Variants in PIEZO1 observed in about 807,000 individuals in gnomAD.
PIEZO1 encodes the protein piezo-type mechanosensitive ion channel component 1.
Under a neutral mutation model 297.2 loss-of-function variants are expected in PIEZO1, and 296 were observed. The ratio of observed to expected loss-of-function variants is 1.00; its 90% confidence interval spans 0.91 to 1.10. The LOEUF is 1.10. Ranked by LOEUF, PIEZO1 falls within the 50% of genes least tolerant of loss-of-function variation. PIEZO1 has a pLI of 0.00. For synonymous variants in PIEZO1, 2,427 were observed against 1,507.5 expected (o/e 1.61, Z -14.13); for missense variants, 5,018 against 3,455.5 (o/e 1.45, Z -11.34).
In PIEZO1 at chr16:88,716,421, G is replaced by C. The variant is rs1479059774; in HGVS notation, c.6989C>G (p.Pro2330Arg). The change falls in exon 48 of 51, where the codon CCC (proline) becomes CGC (arginine). Residue 2330 changes from proline (P) to arginine (R), a missense_variant. Transcript: ENST00000301015. ...CAGCTGCCGCCGTGCAGTGCTGTTGGGGGCCAGGGCCAGCATGTGCTTCTC... is the reference window on the plus strand; with the variant it reads ...CAGCTGCCGCCGTGCAGTGCTGTTGCGGGCCAGGGCCAGCATGTGCTTCTC... Reference protein sequence around the residue: ...ANEKHMLALAPNSTARRQLAS... With the variant: ...ANEKHMLALARNSTARRQLAS... 1.1e-5 allele frequency: 17 copies of C among 1,549,666 alleles called. No individual in the cohort carries two copies. Among genetic ancestry groups the C allele is most frequent in the Non-Finnish European group, 1.4e-5 (16 of 1,146,702 alleles).
rs747417377 is a variant in PIEZO1, at chr16:88,719,997, AACAGCCCCGCAGGGCCCCCAGCCTGC to A, written c.6164+46_6165-38del. 16 of 1,549,462 alleles carry A rather than the reference AACAGCCCCGCAGGGCCCCCAGCCTGC, an allele frequency of 1.0e-5. No individual in the cohort carries two copies. The South Asian group carries it at 1.7e-4, about 16-fold the overall frequency. The stretch of plus-strand genomic sequence containing the variant: ...TGGCCAGGTCAAGGACCCCATCAGA[AACAGCCCCGCAGGGCCCCCAGCCTGC>A]ACTGCCCCGCCCCTGGAGACCGAGC... On this transcript the variant is annotated intron_variant, in intron 42 of 50. Transcript: ENST00000301015.
chr16:88,732,931 G>C (rs1904964326), intron 19 of PIEZO1, 199 bp from the exon 20 acceptor site: 2 of 602,296 alleles, frequency 3.3e-6, no homozygotes, highest in Middle Eastern at 4.4e-4. Flanking sequence ...GCAGGGGCTG[G>C]GGGAGTGAAG....
In PIEZO1 at chr16:88,731,770, G is replaced by A; in HGVS notation, c.3132C>T (p.Phe1044=). Residue 1044 remains phenylalanine (F), a synonymous_variant, in exon 22 of 51, where the codon TTC becomes TTT. Transcript: ENST00000301015. The part of the protein sequence containing the change: ...IARLWPNYCL[F]LALFLLYQYL... ...ACTGGTACAGCAGGAACAGCGCCAGGAAGAGGCAGTAGTTGGGCCAGAGGC... is the reference window on the plus strand; with the variant it reads ...ACTGGTACAGCAGGAACAGCGCCAGAAAGAGGCAGTAGTTGGGCCAGAGGC... 1.3e-6 allele frequency: 2 copies of A among 1,549,734 alleles called. No individual in the cohort carries two copies. Among genetic ancestry groups the A allele is most frequent in the Middle Eastern group, 1.7e-4 (1 of 5,984 alleles).
chr16:88,774,755 G>A (rs973952609), intron 1 of PIEZO1, among the ~76,000 whole-genome samples: 1 of 152,188 alleles, frequency 6.6e-6, no homozygotes, highest in Non-Finnish European at 1.5e-5. Context: ...GGTACATGGG[G>A]TTCCCTGCAG....
chr16:88,769,183 T>C (rs547934746), intron 1 of PIEZO1, among the ~76,000 whole-genome samples: 23 of 152,336 alleles, frequency 1.5e-4, no homozygotes, highest in Admixed American at 9.8e-4. Flanking sequence ...CACATTTCAA[T>C]ATATACCTCG....
At chr16:88,735,959 G>A (rs1175678160) in intron 12 of PIEZO1, among the ~76,000 whole-genome samples, 189 bp downstream of exon 12, 2 of 152,246 alleles carry the variant, frequency 1.3e-5, no homozygotes, top group African/African-American at 2.4e-5. Context: ...AAGGTTGTCT[G>A]TTTATTCAGT....
At chr16:88,780,006 TCA>T (rs1567491039) in intron 1 of PIEZO1, among the ~76,000 whole-genome samples, 2 of 152,070 alleles carry the variant, frequency 1.3e-5, no homozygotes, top group Admixed American at 6.5e-5. Context: ...TTTTACGGTG[TCA>T]CTTACAGGGG....
chr16:88,761,805 C>T lies in PIEZO1; in HGVS notation c.65-12326G>A, dbSNP rs1266309318. Among the ~76,000 whole-genome samples the T allele has an allele frequency of 3.3e-5, 5 of 151,602 alleles. No individual in the cohort carries two copies. The East Asian group carries it at 9.8e-4, about 30-fold the overall frequency. ...GTCCTTCCCCACAGACGACCAGCAG[C>T]GCTGCCAGGGTGTGGAGGCCTCAGA... On this transcript the variant is annotated intron_variant, in intron 1 of 50. Transcript: ENST00000301015.
chr16:88,723,261 T>G lies in PIEZO1; in HGVS notation c.4403A>C (p.Gln1468Pro), dbSNP rs1269866185. Residue 1468 changes from glutamine (Q) to proline (P), a missense_variant, in exon 32 of 51, where the codon CAG becomes CCG. By Grantham distance (76) the Gln-to-Pro change is moderately conservative. Coordinates refer to ENST00000301015, the MANE Select transcript of PIEZO1 (RefSeq NM_001142864.4). ...VLRRRQQEQE[Q>P]ARQEQAGQLP... is the part of the protein sequence containing the mutation. Reference sequence around the variant, plus strand: ...CTGTCCTGCCTGTTCCTGCCTTGCCTGCTCCTGCTCCTGCTGCCGCCGCCT... The same window carrying G: ...CTGTCCTGCCTGTTCCTGCCTTGCCGGCTCCTGCTCCTGCTGCCGCCGCCT... 6 of 1,543,460 alleles carry G rather than the reference T, an allele frequency of 3.9e-6. No homozygotes were observed. In the African/African-American group the frequency reaches 8.2e-5, roughly 21 times the overall value.
rs1427394984 is a variant in PIEZO1, at chr16:88,760,566, C to T, written c.65-11087G>A. Among the ~76,000 whole-genome samples the T allele has an allele frequency of 2.0e-5, 3 of 152,170 alleles. No individual in the cohort carries two copies. The East Asian group carries it at 5.8e-4, about 29-fold the overall frequency. ...CAGGGAGCTCAAGACAGGCAGGGAT[C>T]CGAGGGGAACGACCCGCCTTTAAGG... On this transcript the variant is annotated intron_variant, in intron 1 of 50. Coordinates refer to ENST00000301015, the MANE Select transcript of PIEZO1 (RefSeq NM_001142864.4).
intron 1 of PIEZO1, among the ~76,000 whole-genome samples, chr16:88,784,312 A>G (rs935144118): frequency 6.6e-6 from 1 of 152,150 alleles, no homozygotes; most frequent in African/African-American, 2.4e-5. Flanking sequence ...AGGAACCCAC[A>G]CTATTTTTTT....
Position 88,723,925 on chromosome 16 carries a change from T to C in PIEZO1, c.4281A>G (p.Glu1427=), listed in dbSNP as rs1417350598. 6.5e-7 allele frequency: 1 copy of C among 1,549,828 alleles called. No individual in the cohort carries two copies. The highest frequency in any genetic ancestry group is 8.7e-7 in the Non-Finnish European group (1 of 1,146,378). Residue 1427 remains glutamate, a synonymous_variant, in exon 31 of 51, where the codon GAA becomes GAG. Transcript: ENST00000301015. Reference sequence around the variant, plus strand: ...GGTCTTCAGGAACAGCCTCCTCCTCTTCCTCACTGTCGGACTCAAACAGGA... The same window carrying C: ...GGTCTTCAGGAACAGCCTCCTCCTCCTCCTCACTGTCGGACTCAAACAGGA... ...DYFLFESDSE[E]EEEAVPEDPR...
chr16:88,727,382 G>A (rs1369943504), intron 23 of PIEZO1, among the ~76,000 whole-genome samples, 175 bp downstream of exon 23: 2 of 152,102 alleles, frequency 1.3e-5, no homozygotes, highest in African/African-American at 2.4e-5. Context: ...AAGGGCTGCC[G>A]TGCACACAGG....
rs577860843 is a variant in PIEZO1 at position 88,715,799 on chromosome 16, A to G, written c.7372T>C (p.Phe2458Leu). The G allele has an allele frequency of 2.1e-5, 33 of 1,550,270 alleles. 1 individual carries two copies. In the South Asian group the frequency reaches 3.6e-4, roughly 17 times the overall value. Residue 2458 changes from phenylalanine to leucine, a missense_variant, in exon 51 of 51, where the codon TTC (phenylalanine) becomes CTC (leucine). Coordinates refer to ENST00000301015, the MANE Select transcript of PIEZO1 (RefSeq NM_001142864.4). Reference protein sequence around the residue: ...VLVIGKFVRGFFSEISHSIMF... With the variant: ...VLVIGKFVRGLFSEISHSIMF... ...ATGGAGTGCGAGATCTCGCTGAAGA[A>G]TCCGCGCACGAACTTGCCGATGACC...
chr16:88,742,040 G>A lies in PIEZO1; in HGVS notation c.326+13C>T. On this transcript the variant is annotated intron_variant, in intron 4 of 50. Transcript: ENST00000301015. Reference sequence around the variant, plus strand: ...GGAGGCTTGCTGGTTGGGGGTGGGAGGAATGGTCTTACCTTGTGACCCCTA... The same window carrying A: ...GGAGGCTTGCTGGTTGGGGGTGGGAAGAATGGTCTTACCTTGTGACCCCTA... The A allele has an allele frequency of 6.5e-7, 1 of 1,535,884 alleles. No individual in the cohort carries two copies. Among genetic ancestry groups the A allele is most frequent in the South Asian group, 1.2e-5 (1 of 84,046 alleles).
Position 88,716,186 on chromosome 16 carries a change from G to A in PIEZO1, c.7129+12C>T, listed in dbSNP as rs761778012. ...CTCTCTAGCCTCCCCCAACCCCCAC[G>A]CCCATACTCACTGGGCTGCAGCTGC... On this transcript the variant is annotated intron_variant, in intron 49 of 50. Coordinates refer to ENST00000301015, the MANE Select transcript of PIEZO1 (RefSeq NM_001142864.4). 203 of 1,506,604 alleles carry A rather than the reference G, an allele frequency of 1.3e-4. No individual in the cohort carries two copies. Among genetic ancestry groups the A allele is most frequent in the Non-Finnish European group, 1.6e-4 (185 of 1,122,178 alleles). The allele number at this position is 1,506,604 out of a possible 1,614,324, so 93.3% of individuals were successfully genotyped here.
intron 2 of PIEZO1, among the ~76,000 whole-genome samples, chr16:88,749,032 TC>T (rs1463937310): frequency 6.8e-6 from 1 of 146,770 alleles, no homozygotes; most frequent in African/African-American, 2.5e-5. Flanking sequence ...GGTCAGGAGA[TC>T]GAGACCATCC....
At chr16:88,776,912 C>T (rs1907692904) in intron 1 of PIEZO1, among the ~76,000 whole-genome samples, 1 of 152,216 alleles carries the variant, frequency 6.6e-6, no homozygotes, top group Non-Finnish European at 1.5e-5. Context: ...GGGCCCGGCT[C>T]ACTTCTTGGC....
At chr16:88,769,361 C>A (rs528874965) in intron 1 of PIEZO1, among the ~76,000 whole-genome samples, 1 of 152,236 alleles carries the variant, frequency 6.6e-6, no homozygotes, top group African/African-American at 2.4e-5. Flanking sequence ...AGCATACTTT[C>A]AATAATTCTG....
Sources: allele counts gnomAD v4.1 joint callset (sites outside exome capture counted in the v4.1 genomes callset), GRCh38; gene constraint gnomAD v4.1.1; transcripts MANE v1.5; gene names NCBI Gene and HGNC (gene_info 2026-07-23, HGNC 2026-07-21).